Variants in MNAT1 observed in about 807,000 individuals in gnomAD.
MNAT1 encodes the protein MNAT1 component of CDK activating kinase.
In MNAT1, 43 loss-of-function variants were observed where a neutral mutation model predicts 42.0. That is an observed-to-expected ratio of 1.02 (90% confidence interval 0.80 to 1.32). The LOEUF (loss-of-function observed/expected upper bound fraction) is 1.32, where lower values mean the gene tolerates loss of function less well. Ranked by LOEUF, MNAT1 falls within the 40% of genes most tolerant of loss-of-function variation. MNAT1 has a pLI of 0.00. For synonymous variants in MNAT1, 118 were observed against 120.0 expected, an observed-to-expected ratio of 0.98 and a Z score of 0.11; for missense variants, 306 against 350.4, an observed-to-expected ratio of 0.87 and a Z score of 1.01.
chr14:60,939,276 T>G (rs1018033177), intron 7 of MNAT1, among the ~76,000 whole-genome samples: 2 of 152,226 alleles, frequency 1.3e-5, no homozygotes, highest in African/African-American at 4.8e-5. Context: ...TCTGCTAGCT[T>G]TGAATGTGTT....
At chr14:60,790,226 A>G (rs532948372) in intron 1 of MNAT1, among the ~76,000 whole-genome samples, 42 of 152,280 alleles carry the variant, frequency 2.8e-4, no homozygotes, top group African/African-American at 9.4e-4. Flanking sequence ...GGACTGTAAA[A>G]GGGAAATAAA....
chr14:60,921,256 G>A (rs1023980448), intron 7 of MNAT1, among the ~76,000 whole-genome samples: 4 of 152,060 alleles, frequency 2.6e-5, no homozygotes, highest in South Asian at 4.1e-4. Flanking sequence ...ACATGTTAGC[G>A]TTTTCTCTTG....
intron 6 of MNAT1, among the ~76,000 whole-genome samples, chr14:60,827,450 A>G (rs948460366): frequency 1.3e-5 from 2 of 152,160 alleles, no homozygotes; most frequent in African/African-American, 4.8e-5. Context: ...GGAAGATCTA[A>G]CCTTGATAAA....
intron 6 of MNAT1, among the ~76,000 whole-genome samples, chr14:60,829,548 A>G (rs2033157438): frequency 1.3e-5 from 2 of 152,198 alleles, no homozygotes; most frequent in Non-Finnish European, 2.9e-5. Context: ...AATTTATGGC[A>G]GTGGTTGAAT....
At chr14:60,795,577 AC>A (rs1234063875) in intron 1 of MNAT1, among the ~76,000 whole-genome samples, 1 of 152,122 alleles carries the variant, frequency 6.6e-6, no homozygotes, top group Non-Finnish European at 1.5e-5. Flanking sequence ...ACGAACTTTA[AC>A]CGAATAAAGC....
chr14:60,904,641 T>C (rs2035154721), intron 7 of MNAT1, among the ~76,000 whole-genome samples: 1 of 152,148 alleles, frequency 6.6e-6, no homozygotes, highest in Non-Finnish European at 1.5e-5. Flanking sequence ...AATATAATTG[T>C]GTAGTTGGTT....
chr14:60,806,317 A>G (rs543193210), intron 3 of MNAT1, among the ~76,000 whole-genome samples: 82 of 152,256 alleles, frequency 5.4e-4, no homozygotes, highest in Admixed American at 5.2e-3. Context: ...TAGAAGGGTG[A>G]GTCATATGTG....
chr14:60,958,138 A>ATAC (rs1413744851), intron 7 of MNAT1, among the ~76,000 whole-genome samples: 1 of 152,140 alleles, frequency 6.6e-6, no homozygotes, highest in Non-Finnish European at 1.5e-5. Flanking sequence ...TGCCCACTCT[A>ATAC]TACTTTCATG....
chr14:60,898,950 A>C (rs969952532), intron 7 of MNAT1, among the ~76,000 whole-genome samples: 5 of 152,076 alleles, frequency 3.3e-5, no homozygotes, highest in Non-Finnish European at 4.4e-5. Flanking sequence ...GAGAGATAGG[A>C]GTCCAGTTAC....
intron 7 of MNAT1, among the ~76,000 whole-genome samples, chr14:60,913,980 G>A (rs1396247421): frequency 2.0e-5 from 3 of 152,218 alleles, no homozygotes; most frequent in East Asian, 1.9e-4. Flanking sequence ...CACGCAGTTC[G>A]AGCTTCCTGG....
In MNAT1 at chr14:60,915,669, C is replaced by T. The variant is rs1336596369; in HGVS notation, c.809+35834C>T. ...TATTAATAGCTTAGTCTCTCCTGTC[C>T]TTGTGTTTGAAGGCATGCAGTGTAG... On this transcript the variant is annotated intron_variant, in intron 7 of 7. Coordinates refer to ENST00000261245, the MANE Select transcript of MNAT1 (RefSeq NM_002431.4). 2.6e-5 allele frequency among the ~76,000 whole-genome samples: 4 copies of T among 152,186 alleles called. No individual in the cohort carries two copies. In the East Asian group the frequency reaches 7.7e-4, roughly 29 times the overall value.
At chr14:60,773,959 C>A (rs2031158688) in intron 1 of MNAT1, among the ~76,000 whole-genome samples, 1 of 152,140 alleles carries the variant, frequency 6.6e-6, no homozygotes, top group South Asian at 2.1e-4. Context: ...GATTTCTAGT[C>A]CCTGGGAAGA....
rs765969291 is a variant in MNAT1, at chr14:60,879,714, G to A, written c.688G>A (p.Gly230Ser). Residue 230 changes from glycine (G) to serine (S), a missense_variant and splice_region_variant, in exon 7 of 8, where the codon GGT becomes AGT. Physicochemically the swap from Gly to Ser is moderately conservative, Grantham distance 56. This residue lies in a region of MNAT1 where 116 missense variants were observed against 139.6 expected (regional missense o/e 0.83). Transcript: ENST00000261245. ...PVTFSTGIKM[G>S]QHISLAPIHK... ...TTAAGTTCCTTCATTTTTCTAACAGGGTCAACATATTTCACTGGCACCTAT... is the reference window on the plus strand; with the variant it reads ...TTAAGTTCCTTCATTTTTCTAACAGAGTCAACATATTTCACTGGCACCTAT... 3.1e-6 allele frequency: 5 copies of A among 1,610,460 alleles called. No homozygotes were observed. The highest frequency in any genetic ancestry group is 1.3e-5 in the African/African-American group (1 of 74,638).
At chr14:60,868,013 C>T (rs113296518) in intron 6 of MNAT1, among the ~76,000 whole-genome samples, 4,600 of 152,092 alleles carry the variant, frequency 0.03, 111 homozygotes, top group South Asian at 0.1. Context: ...TGACATCACC[C>T]TATAATGACC....
intron 6 of MNAT1, among the ~76,000 whole-genome samples, chr14:60,824,864 C>G (rs2033006126): frequency 6.6e-6 from 1 of 152,018 alleles, no homozygotes; most frequent in Non-Finnish European, 1.5e-5. Context: ...GCCCTTGAAC[C>G]AAATGCTGAA....
At chr14:60,940,376 C>G (rs1445515862) in intron 7 of MNAT1, among the ~76,000 whole-genome samples, 1 of 152,108 alleles carries the variant, frequency 6.6e-6, no homozygotes, top group Non-Finnish European at 1.5e-5. Flanking sequence ...CTGGAGACCC[C>G]TTTTTATCTG....
At chr14:60,903,534 C>T (rs1162657970) in intron 7 of MNAT1, among the ~76,000 whole-genome samples, 1 of 151,900 alleles carries the variant, frequency 6.6e-6, no homozygotes, top group Non-Finnish European at 1.5e-5. Context: ...AATAAAATAC[C>T]TATTTTATTG....
intron 7 of MNAT1, among the ~76,000 whole-genome samples, chr14:60,886,429 T>C (rs545923925): frequency 1.5e-4 from 23 of 152,152 alleles, no homozygotes; most frequent in Admixed American, 4.6e-4. Context: ...TATTTTTCAG[T>C]GTGTACAGCT....
chr14:60,858,336 C>CT (rs1277024381), intron 6 of MNAT1, among the ~76,000 whole-genome samples: 2 of 151,062 alleles, frequency 1.3e-5, no homozygotes, highest in East Asian at 3.9e-4. Flanking sequence ...TGATGATGAG[C>CT]TTTTTTTCAT....
Sources: allele counts gnomAD v4.1 joint callset (sites outside exome capture counted in the v4.1 genomes callset), GRCh38; gene constraint gnomAD v4.1.1; regional missense constraint gnomAD v4.1.1; transcripts MANE v1.5; gene names NCBI Gene and HGNC (gene_info 2026-07-23, HGNC 2026-07-21).